WIF1: variants seen among roughly 807,000 people sequenced by gnomAD.
The protein encoded by WIF1 is Wnt inhibitory factor 1.
WIF1 carries 35 observed loss-of-function variants against 53.5 expected under a neutral mutation model. That is an observed-to-expected ratio of 0.65 (90% confidence interval 0.50 to 0.87). WIF1 has a LOEUF of 0.87. Among genes scored for constraint, WIF1 ranks in the 40% least tolerant of loss-of-function variants. The pLI, the probability that WIF1 is intolerant of heterozygous loss-of-function variation, is 0.00. For missense variants in WIF1, 467 were observed against 476.8 expected, an observed-to-expected ratio of 0.98 and a Z score of 0.19; for synonymous variants, 171 against 170.4, an observed-to-expected ratio of 1.00 and a Z score of -0.03.
At position 65,121,176 on chromosome 12, in the gene WIF1, C is replaced by T. The variant is rs1203786425; in HGVS notation, c.16G>A (p.Ala6Thr). Residue 6 changes from alanine to threonine, a missense_variant, in exon 1 of 10, where the codon GCC (alanine) becomes ACC (threonine). Transcript: ENST00000286574. Reference protein sequence around the residue: MARRSAFPAAALWLWS... With the variant: MARRSTFPAAALWLWS... ...AGCCAGAGCGCGGCGGCAGGGAAGG[C>T]GCTCCTCCGGGCCATGCTGCTCAGG... The T allele has an allele frequency of 1.9e-6, 3 of 1,542,520 alleles. No homozygotes were observed. Among genetic ancestry groups the T allele is most frequent in the South Asian group, 1.2e-5 (1 of 82,122 alleles).
rs1565750320 is a variant in WIF1 at position 65,066,685 on chromosome 12, A to G, written c.686T>C (p.Phe229Ser). 1 of 1,611,268 alleles carries G rather than the reference A, an allele frequency of 6.2e-7. No individual in the cohort carries two copies. Among genetic ancestry groups the G allele is most frequent in the East Asian group, 2.2e-5 (1 of 44,772 alleles). ...MNGGLCVTPG[F>S]CICPPGFYGV... ...ATAGAATCCAGGTGGGCAGATGCAGAAACCAGGAGTCACACAAAGTCCACC... is the reference window on the plus strand; with the variant it reads ...ATAGAATCCAGGTGGGCAGATGCAGGAACCAGGAGTCACACAAAGTCCACC... The change falls in exon 6 of 10, where the codon TTC (phenylalanine) becomes TCC (serine). Residue 229 changes from phenylalanine to serine, a missense_variant. Transcript: ENST00000286574.
At chr12:65,116,650 T>C (rs1247931604) in intron 2 of WIF1, among the ~76,000 whole-genome samples, 3 of 152,002 alleles carry the variant, frequency 2.0e-5, no homozygotes, top group South Asian at 4.2e-4. Context: ...AAAAATTGTC[T>C]TCCACCAGGC....
At position 65,088,230 on chromosome 12, in the gene WIF1, T is replaced by C. The variant is rs560704315; in HGVS notation, c.289-10376A>G. ...CTCCCTTCTTGTACACACAACAGTT[T>C]CATAGTTTTCCCCCAGGTATGCTGT... On this transcript the variant is annotated intron_variant, in intron 2 of 9. Coordinates refer to ENST00000286574, the MANE Select transcript of WIF1 (RefSeq NM_007191.5). Among the ~76,000 whole-genome samples, 8 of 152,300 alleles carry C rather than the reference T, an allele frequency of 5.3e-5. No individual in the cohort carries two copies. In the South Asian group the frequency reaches 1.7e-3, roughly 32 times the overall value.
chr12:65,068,677 G>A (rs1592390345), intron 4 of WIF1, 87 bp downstream of exon 4: 2 of 897,392 alleles, frequency 2.2e-6, no homozygotes, highest in Non-Finnish European at 3.3e-6. Context: ...GTGTGTGTGT[G>A]TGTGTGTGTA....
chr12:65,104,478 T>C (rs541106100), intron 2 of WIF1, among the ~76,000 whole-genome samples: 1 of 152,358 alleles, frequency 6.6e-6, no homozygotes, highest in East Asian at 1.9e-4. Context: ...TCAGACTACC[T>C]GAGTGTACAT....
intron 2 of WIF1, among the ~76,000 whole-genome samples, chr12:65,081,404 A>G (rs755873159): frequency 2.0e-5 from 3 of 152,178 alleles, no homozygotes; most frequent in Non-Finnish European, 4.4e-5. Context: ...ATAACTTCAC[A>G]GAGCCTTCAG....
intron 2 of WIF1, among the ~76,000 whole-genome samples, chr12:65,112,404 T>TCTCACACACACACA (rs1555188370): frequency 7.3e-5 from 9 of 123,448 alleles, no homozygotes; most frequent in African/African-American, 2.6e-4. Context: ...CCTGCTCTAA[T>TCTCACACACACACA]CACACACACA....
rs1172613082 is a variant in WIF1 at position 65,051,465 on chromosome 12, C to T, written c.1024G>A (p.Glu342Lys). ...WHGRHCNKRY[E>K]ASLIHALRPA... is the part of the protein sequence containing the mutation. ...CTCAGGGCATGTATGAGGCTGGCTT[C>T]GTACCCTGCAAAATTATTCACAGCT... Residue 342 changes from glutamate to lysine, a missense_variant, in exon 10 of 10, where the codon GAA (glutamate) becomes AAA (lysine). Glu to Lys is a moderately conservative substitution (Grantham distance 56). Coordinates refer to ENST00000286574, the MANE Select transcript of WIF1 (RefSeq NM_007191.5). 11 of 1,592,850 alleles carry T rather than the reference C, an allele frequency of 6.9e-6. No individual in the cohort carries two copies. Among genetic ancestry groups the T allele is most frequent in the African/African-American group, 1.4e-5 (1 of 73,822 alleles).
intron 2 of WIF1, among the ~76,000 whole-genome samples, chr12:65,110,169 G>T (rs1156380763): frequency 6.6e-6 from 1 of 152,044 alleles, no homozygotes; most frequent in Non-Finnish European, 1.5e-5. Context: ...GGCCTAAATG[G>T]GTTCAGTGAC....
chr12:65,102,255 C>T (rs1883293240), intron 2 of WIF1, among the ~76,000 whole-genome samples: 1 of 152,090 alleles, frequency 6.6e-6, no homozygotes, highest in African/African-American at 2.4e-5. Context: ...GAGTTATATA[C>T]AGAGATTTCT....
chr12:65,059,802 C>G (rs1882583622), intron 7 of WIF1, among the ~76,000 whole-genome samples: 1 of 152,048 alleles, frequency 6.6e-6, no homozygotes, highest in African/African-American at 2.4e-5. Context: ...CAGGTGTCTG[C>G]CACCATGCCT....
chr12:65,115,144 G>C (rs932118284), intron 2 of WIF1, among the ~76,000 whole-genome samples: 5 of 133,092 alleles, frequency 3.8e-5, no homozygotes, highest in African/African-American at 5.8e-5. Flanking sequence ...AACTAGTACA[G>C]ATGGCTCGGC....
intron 2 of WIF1, among the ~76,000 whole-genome samples, chr12:65,100,553 G>A (rs922212944): frequency 5.9e-5 from 9 of 152,256 alleles, no homozygotes; most frequent in African/African-American, 2.2e-4. Flanking sequence ...AATAATGTAT[G>A]TGCCAAGAGC....
intron 2 of WIF1, among the ~76,000 whole-genome samples, chr12:65,083,180 A>G (rs1048256795): frequency 6.6e-6 from 1 of 152,222 alleles, no homozygotes; most frequent in African/African-American, 2.4e-5. Flanking sequence ...AATTCAGATT[A>G]GCAGATTCAC....
rs190650553 is a variant in WIF1 at position 65,070,283 on chromosome 12, G to A, written c.398-1379C>T. 7.4e-3 allele frequency among the ~76,000 whole-genome samples: 1,131 copies of A among 151,982 alleles called. 12 individuals carry two copies. Among genetic ancestry groups the A allele is most frequent in the Non-Finnish European group, 9.1e-3 (617 of 67,966 alleles). ...CCCTGAAACTTGAGATTTTAACATTGCAAATCATTATGATGAAAAGGAAAC... is the reference window on the plus strand; with the variant it reads ...CCCTGAAACTTGAGATTTTAACATTACAAATCATTATGATGAAAAGGAAAC... On this transcript the variant is annotated intron_variant, in intron 3 of 9. Transcript: ENST00000286574.
chr12:65,101,218 G>T (rs1256452908), intron 2 of WIF1, among the ~76,000 whole-genome samples: 1 of 152,116 alleles, frequency 6.6e-6, no homozygotes, highest in African/African-American at 2.4e-5. Context: ...AGTTTTGCAA[G>T]TTATAATTAC....
chr12:65,111,202 T>C (rs1248528554), intron 2 of WIF1, among the ~76,000 whole-genome samples: 1 of 152,152 alleles, frequency 6.6e-6, no homozygotes, highest in Non-Finnish European at 1.5e-5. Flanking sequence ...TAACCTCCTC[T>C]TTACCCCTGA....
intron 2 of WIF1, among the ~76,000 whole-genome samples, chr12:65,108,231 T>C (rs893326883): frequency 2.6e-5 from 4 of 152,216 alleles, no homozygotes; most frequent in African/African-American, 9.6e-5. Context: ...ATTAGTCTTG[T>C]TCATTTTCAA....
intron 2 of WIF1, among the ~76,000 whole-genome samples, chr12:65,106,281 A>G (rs1883350199): frequency 2.0e-5 from 3 of 152,100 alleles, no homozygotes; most frequent in Admixed American, 6.6e-5. Flanking sequence ...GGGATATTCA[A>G]GTTATACTGG....
Sources: allele counts gnomAD v4.1 joint callset (sites outside exome capture counted in the v4.1 genomes callset), GRCh38; gene constraint gnomAD v4.1.1; transcripts MANE v1.5; gene names NCBI Gene and HGNC (gene_info 2026-07-23, HGNC 2026-07-21).